The following DCBLD1 variants were observed in gnomAD, a reference collection of about 807,000 sequenced individuals.
DCBLD1 encodes discoidin, CUB and LCCL domain-containing protein 1.
DCBLD1 carries 57 observed loss-of-function variants against 71.5 expected under a neutral mutation model. The observed-to-expected ratio is 0.80, with a 90% CI of 0.64 to 0.99. DCBLD1 has a LOEUF of 0.99. Among genes scored for constraint, DCBLD1 ranks in the 50% least tolerant of loss-of-function variants. The pLI is 0.00. For missense variants in DCBLD1, 891 were observed against 923.5 expected, an observed-to-expected ratio of 0.96 and a Z score of 0.46; for synonymous variants, 380 against 363.8, an observed-to-expected ratio of 1.04 and a Z score of -0.51.
chr6:117,539,494 G>A, intron 9 of DCBLD1, 115 bp downstream of exon 9: 1 of 1,222,730 alleles, frequency 8.2e-7, no homozygotes, highest in Non-Finnish European at 1.1e-6. Flanking sequence ...GGCCAAGCAT[G>A]GTGGTTCATG....
chr6:117,484,194 GTA>G (rs1777005450), intron 1 of DCBLD1, among the ~76,000 whole-genome samples: 1 of 152,172 alleles, frequency 6.6e-6, no homozygotes, highest in African/African-American at 2.4e-5. Flanking sequence ...CAGTCCAGCA[GTA>G]TGTTCCTGTA....
chr6:117,532,427 G>A, intron 6 of DCBLD1, 34 bp downstream of exon 6: 1 of 1,558,028 alleles, frequency 6.4e-7, no homozygotes, highest in South Asian at 1.2e-5. Flanking sequence ...TTTGTTCTGA[G>A]TAGAAGGTAA....
Position 117,482,864 on chromosome 6 carries a change from C to T in DCBLD1, c.83C>T (p.Ala28Val), listed in dbSNP as rs1030670519. ...CTGGCTTTGCTGCTCGCGGTCTCCG[C>T]CCCGCTCCGGCTGCAGGCGGAGGAG... ...GLLALLLAVS[A>V]PLRLQAEELG... is the part of the protein sequence containing the mutation. Residue 28 changes from alanine to valine, a missense_variant, in exon 1 of 15, where the codon GCC (alanine) becomes GTC (valine). Coordinates refer to ENST00000338728, the MANE Select transcript of DCBLD1 (RefSeq NM_001366458.2). The T allele has an allele frequency of 1.2e-5, 14 of 1,190,694 alleles. No homozygotes were observed. The highest frequency in any genetic ancestry group is 1.5e-5 in the Non-Finnish European group (14 of 961,152). 73.8% of individuals were successfully genotyped at this position (1,190,694 alleles called of 1,614,324 possible).
At chr6:117,531,120 T>C (rs774745389) in intron 5 of DCBLD1, among the ~76,000 whole-genome samples, 21 of 152,218 alleles carry the variant, frequency 1.4e-4, no homozygotes, top group Non-Finnish European at 2.4e-4. Flanking sequence ...TTGCAAAATA[T>C]GATTTGTCTC....
exon 15 of DCBLD1, chr6:117,569,734 A>G (rs1199575594): frequency 9.5e-6 from 15 of 1,583,696 alleles, no homozygotes; most frequent in African/African-American, 1.4e-5. Flanking sequence ...GTTCTTTCCC[A>G]CCCTAACAAC....
At chr6:117,497,734 T>G (rs1429333984) in intron 1 of DCBLD1, among the ~76,000 whole-genome samples, 1 of 152,226 alleles carries the variant, frequency 6.6e-6, no homozygotes, top group African/African-American at 2.4e-5. Context: ...TCCTGAATTT[T>G]TAATGACAGT....
chr6:117,543,202 C>A lies in DCBLD1; in HGVS notation c.1436C>A (p.Ala479Asp), dbSNP rs755788936. 20 of 1,613,714 alleles carry A rather than the reference C, an allele frequency of 1.2e-5. No individual in the cohort carries two copies. In the Middle Eastern group the frequency reaches 4.9e-4, roughly 40 times the overall value. ...LVFAGMGIFA[A>D]FRKKKKKGSP... The stretch of plus-strand genomic sequence containing the variant: ...TTTGCTGGAATGGGGATCTTTGCAG[C>A]CTTTAGAAAGTATGGTGACTTTACA... Residue 479 changes from alanine to aspartate, a missense_variant, in exon 12 of 15, where the codon GCC (alanine) becomes GAC (aspartate). Ala to Asp is a moderately radical substitution (Grantham distance 126). Transcript: ENST00000338728.
At chr6:117,504,043 G>C in intron 2 of DCBLD1, 64 bp downstream of exon 2, 1 of 1,551,856 alleles carries the variant, frequency 6.4e-7, no homozygotes, top group Non-Finnish European at 8.8e-7. Context: ...AGAAGGGCAA[G>C]TGGTGTGTTA....
At chr6:117,555,644 A>G (rs1033471483) in intron 14 of DCBLD1, among the ~76,000 whole-genome samples, 2 of 152,204 alleles carry the variant, frequency 1.3e-5, no homozygotes, top group East Asian at 1.9e-4. Flanking sequence ...GAATTCTACT[A>G]TGTAACTCTA....
intron 2 of DCBLD1, among the ~76,000 whole-genome samples, chr6:117,519,376 A>G (rs928810126): frequency 5.3e-5 from 8 of 152,360 alleles, no homozygotes; most frequent in African/African-American, 1.7e-4. Flanking sequence ...TGAATGCTGC[A>G]TGTGAATAAA....
intron 14 of DCBLD1, among the ~76,000 whole-genome samples, chr6:117,556,466 A>T (rs1779496861): frequency 6.6e-6 from 1 of 152,206 alleles, no homozygotes; most frequent in Non-Finnish European, 1.5e-5. Flanking sequence ...AAGTGAGAAC[A>T]TGTGGTAGTA....
chr6:117,519,857 T>C lies in DCBLD1; in HGVS notation c.367T>C (p.Leu123=), dbSNP rs769638374. 1.9e-6 allele frequency: 3 copies of C among 1,614,126 alleles called. No individual in the cohort carries two copies. The South Asian group carries it at 3.3e-5, about 18-fold the overall frequency. Residue 123 remains leucine, a synonymous_variant, in exon 3 of 15, where the codon TTG becomes CTG. Coordinates refer to ENST00000338728, the MANE Select transcript of DCBLD1 (RefSeq NM_001366458.2). The part of the protein sequence containing the change: ...GSMTVPKELL[L]NTSEVTVRFE... ...TATGACTGTTCCCAAAGAACTCTTG[T>C]TGAACACAAGTGAAGTAACCGTCCG...
At chr6:117,509,874 C>A (rs1382107420) in intron 2 of DCBLD1, among the ~76,000 whole-genome samples, 1 of 152,186 alleles carries the variant, frequency 6.6e-6, no homozygotes, top group East Asian at 1.9e-4. Flanking sequence ...TTCCCAGCCT[C>A]ATGAGATGAA....
chr6:117,543,314 C>A, intron 12 of DCBLD1, 103 bp downstream of exon 12: 1 of 901,530 alleles, frequency 1.1e-6, no homozygotes, highest in Non-Finnish European at 1.8e-6. Context: ...AGCAGCATGG[C>A]TTCTTTCAAA....
downstream of DCBLD1, among the ~76,000 whole-genome samples, chr6:117,550,068 A>G (rs914408172): frequency 3.3e-5 from 5 of 152,330 alleles, no homozygotes; most frequent in African/African-American, 1.2e-4. Context: ...AGTGTTGTCT[A>G]TAGTAGGTCC....
At chr6:117,569,242 T>C (rs1341281017) in intron 14 of DCBLD1, among the ~76,000 whole-genome samples, 1 of 152,220 alleles carries the variant, frequency 6.6e-6, no homozygotes, top group Non-Finnish European at 1.5e-5. Context: ...AAGGATGTTG[T>C]TTTTTCAGTC....
chr6:117,560,530 A>G (rs1044653700), intron 14 of DCBLD1: 1 of 194,798 alleles, frequency 5.1e-6, no homozygotes, highest in Non-Finnish European at 1.1e-5. Flanking sequence ...CTAAACATGA[A>G]AACAGCATAA....
chr6:117,491,417 G>C (rs896786415), intron 1 of DCBLD1, among the ~76,000 whole-genome samples: 9 of 152,068 alleles, frequency 5.9e-5, no homozygotes, highest in African/African-American at 2.2e-4. Flanking sequence ...ACAGAAAAAT[G>C]GCCCTGTACC....
At chr6:117,535,464 G>T (rs210653) in intron 6 of DCBLD1, among the ~76,000 whole-genome samples, 107,651 of 152,054 alleles carry the variant, frequency 0.71, 39,222 homozygotes, top group African/African-American at 0.87. Context: ...GGTGTTTTTA[G>T]TTTTAAAAGA....
Sources: allele counts gnomAD v4.1 joint callset (sites outside exome capture counted in the v4.1 genomes callset), GRCh38; gene constraint gnomAD v4.1.1; transcripts MANE v1.5; gene names NCBI Gene and HGNC (gene_info 2026-07-23, HGNC 2026-07-21).